TBCE: variants seen among roughly 807,000 people sequenced by gnomAD.
TBCE encodes tubulin folding cofactor E, also known as tubulin-specific chaperone E.
TBCE carries 53 observed loss-of-function variants against 77.0 expected under a neutral mutation model. That is an observed-to-expected ratio of 0.69 (90% confidence interval 0.55 to 0.87). The LOEUF is 0.87. Among genes scored for constraint, TBCE ranks in the 40% least tolerant of loss-of-function variants. The probability of loss-of-function intolerance (pLI) is 0.00; values close to 1 mark genes in which losing one functional copy is unlikely to be tolerated. For missense variants in TBCE, 624 were observed against 622.4 expected, an observed-to-expected ratio of 1.00 and a Z score of -0.03; for synonymous variants, 235 against 241.3, an observed-to-expected ratio of 0.97 and a Z score of 0.24.
At chr1:235,392,848 G>A (rs567622581) in intron 2 of TBCE, among the ~76,000 whole-genome samples, 3 of 151,876 alleles carry the variant, frequency 2.0e-5, no homozygotes, top group South Asian at 2.1e-4. Context: ...CTTTTAATCT[G>A]CTGTCTTTTA....
intron 2 of TBCE, among the ~76,000 whole-genome samples, chr1:235,381,779 CT>C (rs200258047): frequency 0.011 from 1,540 of 135,618 alleles, 12 homozygotes; most frequent in African/African-American, 0.028. Context: ...AATTATTTTT[CT>C]TTTTTTTCTT....
At chr1:235,380,198 TG>T in intron 2 of TBCE, 49 bp downstream of exon 2, 2 of 1,212,776 alleles carry the variant, frequency 1.6e-6, no homozygotes, top group Admixed American at 3.7e-5. Flanking sequence ...TGTGTGTGTG[TG>T]TGTGTGTGTG....
At chr1:235,444,231 T>G (rs1682092662) in intron 15 of TBCE, among the ~76,000 whole-genome samples, 1 of 152,226 alleles carries the variant, frequency 6.6e-6, no homozygotes, top group African/African-American at 2.4e-5. Context: ...GTCTCCATTT[T>G]TATTTATTCA....
chr1:235,430,857 G>A (rs1681045279), intron 7 of TBCE, 53 bp downstream of exon 7: 4 of 1,457,008 alleles, frequency 2.7e-6, no homozygotes, highest in Admixed American at 3.5e-5. Flanking sequence ...AAAAATGTTT[G>A]GTTTAATAGA....
intron 2 of TBCE, among the ~76,000 whole-genome samples, chr1:235,393,254 A>T (rs1678500040): frequency 6.6e-6 from 1 of 152,172 alleles, no homozygotes; most frequent in African/African-American, 2.4e-5. Flanking sequence ...AATAGTATTT[A>T]ATGGTCGGGC....
At chr1:235,425,801 C>T (rs973635626) in intron 5 of TBCE, among the ~76,000 whole-genome samples, 3 of 152,146 alleles carry the variant, frequency 2.0e-5, no homozygotes, top group Admixed American at 1.3e-4. Context: ...ACTCCTCCGC[C>T]ATGTGCTCCT....
chr1:235,410,909 A>G (rs528299799), intron 3 of TBCE, among the ~76,000 whole-genome samples: 68 of 152,370 alleles, frequency 4.5e-4, no homozygotes, highest in South Asian at 4.4e-3. Context: ...GACAAAAGGT[A>G]TATCTGGAAG....
chr1:235,368,828 A>C (rs1309047299), intron 1 of TBCE, among the ~76,000 whole-genome samples: 1 of 151,946 alleles, frequency 6.6e-6, no homozygotes, highest in African/African-American at 2.4e-5. Context: ...AGCCTCCCAA[A>C]GTGCTGGGGC....
chr1:235,442,175 A>AT (rs1681931085), intron 14 of TBCE, among the ~76,000 whole-genome samples: 1 of 151,002 alleles, frequency 6.6e-6, no homozygotes, highest in African/African-American at 2.4e-5. Flanking sequence ...TGCCCGGCTA[A>AT]TTTTTTTTAA....
At chr1:235,431,064 G>A (rs144773697) in intron 7 of TBCE, among the ~76,000 whole-genome samples, 2 of 152,122 alleles carry the variant, frequency 1.3e-5, no homozygotes, top group Non-Finnish European at 2.9e-5. Context: ...AAACAGTGGC[G>A]CTCCGTTATG....
intron 2 of TBCE, among the ~76,000 whole-genome samples, chr1:235,382,112 A>G (rs1572329477): frequency 1.3e-5 from 2 of 150,768 alleles, no homozygotes; most frequent in African/African-American, 2.4e-5. Context: ...ATGATTTCCA[A>G]TTTCATCCAT....
rs1682619647 is a variant in TBCE at position 235,448,437 on chromosome 1, C to G, written c.1488C>G (p.Pro496=). ...ACCTTCTGTTGTCCTATGAAAGTCC[C>G]AAAGTAAGTTGCCCAGCAAAATACA... is the stretch of plus-strand genomic sequence containing the variant. The part of the protein sequence containing the change: ...VSDLLLSYES[P]KKPGREIELE... The change falls in exon 16 of 17, where the codon CCC becomes CCG. Residue 496 remains proline (P), a synonymous_variant. Transcript: ENST00000642610. 1.2e-6 allele frequency: 2 copies of G among 1,613,784 alleles called. No individual in the cohort carries two copies. The highest frequency in any genetic ancestry group is 1.3e-5 in the African/African-American group (1 of 74,870).
chr1:235,448,019 G>A (rs184489492), intron 15 of TBCE, among the ~76,000 whole-genome samples: 31 of 152,100 alleles, frequency 2.0e-4, no homozygotes, highest in African/African-American at 7.0e-4. Context: ...GACCAGCCTG[G>A]CCAACATGGT....
intron 1 of TBCE, among the ~76,000 whole-genome samples, chr1:235,375,424 A>G (rs140919816): frequency 2.0e-5 from 3 of 152,246 alleles, no homozygotes; most frequent in East Asian, 1.9e-4. Context: ...AGTGCAGGCC[A>G]TTACAGAGAA....
chr1:235,408,672 A>C (rs1679604812), intron 3 of TBCE, among the ~76,000 whole-genome samples: 1 of 152,194 alleles, frequency 6.6e-6, no homozygotes, highest in Non-Finnish European at 1.5e-5. Context: ...CTCACAGGAA[A>C]ACAACCTCTC....
At chr1:235,431,384 G>A (rs1248694970) in intron 7 of TBCE, among the ~76,000 whole-genome samples, 1 of 148,940 alleles carries the variant, frequency 6.7e-6, no homozygotes, top group Non-Finnish European at 1.5e-5. Flanking sequence ...TTTTTGAGAC[G>A]GAGTTTTACT....
chr1:235,418,942 C>T (rs1040024566), intron 4 of TBCE: 4 of 180,404 alleles, frequency 2.2e-5, no homozygotes, highest in African/African-American at 4.8e-5. Context: ...CGTGGTGGCT[C>T]ACGCCTGTAA....
At chr1:235,376,054 A>G (rs1169823536) in intron 1 of TBCE, among the ~76,000 whole-genome samples, 2 of 152,016 alleles carry the variant, frequency 1.3e-5, no homozygotes, top group African/African-American at 2.4e-5. Context: ...CAAAACAAAC[A>G]AACAAAAACA....
At chr1:235,374,429 C>T (rs2102801418) in intron 1 of TBCE, among the ~76,000 whole-genome samples, 1 of 145,976 alleles carries the variant, frequency 6.9e-6, no homozygotes, top group South Asian at 2.1e-4. Context: ...AAATGTTTAC[C>T]CTGGTAGAGA....
Sources: allele counts gnomAD v4.1 joint callset (sites outside exome capture counted in the v4.1 genomes callset), GRCh38; gene constraint gnomAD v4.1.1; transcripts MANE v1.5; gene names NCBI Gene and HGNC (gene_info 2026-07-23, HGNC 2026-07-21).